The following NRXN1 variants were observed in gnomAD, a reference collection of about 807,000 sequenced individuals.
NRXN1 encodes neurexin 1, also known as neurexin-1.
NRXN1 carries 39 observed loss-of-function variants against 150.9 expected under a neutral mutation model. That is an observed-to-expected ratio of 0.26 (90% CI 0.20 to 0.34). NRXN1 has a LOEUF of 0.34. NRXN1 is among the 10% of genes least tolerant of loss of function. The probability of loss-of-function intolerance (pLI) is 1.00; values close to 1 mark genes in which losing one functional copy is unlikely to be tolerated. For synonymous variants in NRXN1, 924 were observed against 757.0 expected, an observed-to-expected ratio of 1.22 and a Z score of -3.62; for missense variants, 1,815 against 1,949.9, an observed-to-expected ratio of 0.93 and a Z score of 1.30.
At chr2:50,503,720 C>T (rs1334119550) in intron 13 of NRXN1, among the ~76,000 whole-genome samples, 1 of 152,064 alleles carries the variant, frequency 6.6e-6, no homozygotes, top group Admixed American at 6.6e-5. Context: ...TCAAGCAAAA[C>T]TCTGCAATAG....
rs1410158101 is a variant in NRXN1 at position 50,997,609 on chromosome 2, G to A, written c.772+29893C>T. Among the ~76,000 whole-genome samples, 2 of 140,692 alleles carry A rather than the reference G, an allele frequency of 1.4e-5. 1 individual carries two copies. Among genetic ancestry groups the A allele is most frequent in the Admixed American group, 1.4e-4 (2 of 14,540 alleles). 92.3% of individuals were successfully genotyped at this position (140,692 alleles called of 152,430 possible). A position where few individuals can be genotyped will look rare whatever the true frequency, so the allele number is the denominator to read the frequency against. On this transcript the variant is annotated intron_variant, in intron 2 of 22. Coordinates refer to ENST00000401669, the MANE Select transcript of NRXN1 (RefSeq NM_001330078.2). ...GGTAATCTGAAATTCCTGGGCTCAA[G>A]CCATCCTCCTGCCTCAGCTTCCTGA...
At chr2:50,152,015 C>G (rs1213383369) in intron 18 of NRXN1, among the ~76,000 whole-genome samples, 1 of 151,676 alleles carries the variant, frequency 6.6e-6, no homozygotes, top group Non-Finnish European at 1.5e-5. Flanking sequence ...TTCAATATTT[C>G]ATTTTTAATT....
At chr2:49,993,267 G>A (rs1682335315) in intron 21 of NRXN1, among the ~76,000 whole-genome samples, 1 of 151,878 alleles carries the variant, frequency 6.6e-6, no homozygotes, top group Non-Finnish European at 1.5e-5. Flanking sequence ...AAGACATGAA[G>A]GAATCTTAAA....
In NRXN1 at chr2:50,781,879, G is replaced by A. The variant is rs143012202; in HGVS notation, c.832+139990C>T. On this transcript the variant is annotated intron_variant, in intron 5 of 22. Transcript: ENST00000401669. ...GCTTCAGTTCCCTCTGCTGTAAACT[G>A]GGGATACTGATGGCTATTAACTCCA... Among the ~76,000 whole-genome samples, 419 of 152,230 alleles carry A rather than the reference G, an allele frequency of 2.8e-3. 1 individual carries two copies. Among genetic ancestry groups the A allele is most frequent in the Admixed American group, 0.015 (225 of 15,276 alleles).
intron 18 of NRXN1, among the ~76,000 whole-genome samples, chr2:50,128,547 C>T (rs932722271): frequency 6.6e-6 from 1 of 152,012 alleles, no homozygotes; most frequent in African/African-American, 2.4e-5. Context: ...AATGATATGC[C>T]ACTTAGGAAA....
At chr2:50,162,859 T>C (rs1440730352) in intron 18 of NRXN1, among the ~76,000 whole-genome samples, 2 of 152,028 alleles carry the variant, frequency 1.3e-5, no homozygotes, top group Non-Finnish European at 2.9e-5. Context: ...ATATTTTTAC[T>C]TTGTATAAAA....
chr2:50,848,213 T>C (rs1673976471), intron 5 of NRXN1, among the ~76,000 whole-genome samples: 1 of 152,092 alleles, frequency 6.6e-6, no homozygotes, highest in African/African-American at 2.4e-5. Flanking sequence ...AGCAGGGCAC[T>C]GAAGCAGCCA....
intron 8 of NRXN1, among the ~76,000 whole-genome samples, chr2:50,608,721 G>A (rs1677545737): frequency 6.6e-6 from 1 of 152,040 alleles, no homozygotes; most frequent in African/African-American, 2.4e-5. Context: ...TACTGAATAA[G>A]GTCAATTTAC....
chr2:50,966,012 C>T (rs965168187), intron 2 of NRXN1, among the ~76,000 whole-genome samples: 5 of 151,376 alleles, frequency 3.3e-5, no homozygotes, highest in African/African-American at 1.2e-4. Flanking sequence ...TAAAGTTGCA[C>T]CTTAGTAGTA....
chr2:50,829,999 G>GGGAAAAAAAA (rs1425873902), intron 5 of NRXN1, among the ~76,000 whole-genome samples: 1 of 58,206 alleles, frequency 1.7e-5, no homozygotes, highest in Admixed American at 2.5e-4. Context: ...CTGCCTGCTG[G>GGGAAAAAAAA]AAAAAAAAAA....
intron 16 of NRXN1, among the ~76,000 whole-genome samples, chr2:50,468,118 G>A (rs927334806): frequency 2.8e-4 from 43 of 151,600 alleles, no homozygotes; most frequent in African/African-American, 8.9e-4. Context: ...ATAGCTATTT[G>A]CTCTCTGACC....
intron 5 of NRXN1, among the ~76,000 whole-genome samples, chr2:50,842,702 C>T (rs1673048901): frequency 6.6e-6 from 1 of 152,094 alleles, no homozygotes; most frequent in African/African-American, 2.4e-5. Flanking sequence ...ATAAATGACC[C>T]CCAAAGTGGT....
chr2:50,135,147 A>G (rs537517427), intron 18 of NRXN1, among the ~76,000 whole-genome samples: 1 of 152,352 alleles, frequency 6.6e-6, no homozygotes, highest in East Asian at 1.9e-4. Flanking sequence ...GTTACTTAAG[A>G]TTAAATTCTT....
intron 18 of NRXN1, among the ~76,000 whole-genome samples, chr2:50,227,064 G>A (rs1315350866): frequency 6.6e-6 from 1 of 151,392 alleles, no homozygotes; most frequent in Non-Finnish European, 1.5e-5. Flanking sequence ...CAGTATGGAT[G>A]AAGATTTGCC....
intron 5 of NRXN1, among the ~76,000 whole-genome samples, chr2:50,773,368 A>C (rs2105463660): frequency 6.6e-6 from 1 of 152,332 alleles, no homozygotes; most frequent in Admixed American, 6.5e-5. Flanking sequence ...AGACACAGAA[A>C]GAATATAAGA....
intron 8 of NRXN1, among the ~76,000 whole-genome samples, chr2:50,560,975 A>T (rs1409763894): frequency 6.6e-6 from 1 of 152,210 alleles, no homozygotes; most frequent in Non-Finnish European, 1.5e-5. Flanking sequence ...AAAACAAAAA[A>T]ATAGTTAAAA....
chr2:50,598,417 T>C (rs1675603669), intron 8 of NRXN1, among the ~76,000 whole-genome samples: 1 of 151,264 alleles, frequency 6.6e-6, no homozygotes, highest in South Asian at 2.1e-4. Context: ...AAATAAAAAA[T>C]AAAATAAAAT....
At chr2:50,749,104 C>T (rs565852512) in intron 5 of NRXN1, among the ~76,000 whole-genome samples, 12 of 152,088 alleles carry the variant, frequency 7.9e-5, no homozygotes, top group African/African-American at 1.9e-4. Flanking sequence ...CAAACTGAAA[C>T]GTATAAGTCT....
At chr2:50,428,603 T>C (rs962472089) in intron 17 of NRXN1, among the ~76,000 whole-genome samples, 8 of 152,186 alleles carry the variant, frequency 5.3e-5, no homozygotes, top group Non-Finnish European at 8.8e-5. Context: ...AGACATACCT[T>C]ATGATTAGAG....
Sources: allele counts gnomAD v4.1 joint callset (sites outside exome capture counted in the v4.1 genomes callset), GRCh38; gene constraint gnomAD v4.1.1; transcripts MANE v1.5; gene names NCBI Gene and HGNC (gene_info 2026-07-23, HGNC 2026-07-21).